Variants in H1-3 observed in about 807,000 individuals in gnomAD.
H1-3 encodes H1.3 linker histone, cluster member.
H1-3 carries 4 observed loss-of-function variants against 3.6 expected under a neutral mutation model. The ratio of observed to expected loss-of-function variants is 1.12; its 90% confidence interval spans 0.55 to 2.57. The LOEUF (loss-of-function observed/expected upper bound fraction) is 2.57. Among genes scored for constraint, H1-3 ranks in the 30% most tolerant of loss-of-function variants. H1-3 has a pLI of 0.02. For synonymous variants in H1-3, 266 were observed against 110.0 expected, an observed-to-expected ratio of 2.42 and a Z score of -8.87; for missense variants, 670 against 274.3, an observed-to-expected ratio of 2.44 and a Z score of -10.19.
At position 26,234,507 on chromosome 6, in the gene H1-3, C is replaced by A; in HGVS notation, c.427G>T (p.Ala143Ser). ...CTTTTCTTCGGGGTAGCGGCGCCAG[C>A]CACCTTCTTGGGCTTCTTGGCTGCC... ...AGAAKKPKKVAGAATPKKSIK... is the reference protein window; with the variant it reads ...AGAAKKPKKVSGAATPKKSIK... The change falls in exon 1 of 1, where the codon GCT becomes TCT. Residue 143 changes from alanine to serine, a missense_variant. Transcript: ENST00000244534. The A allele has an allele frequency of 1.2e-6, 2 of 1,613,920 alleles. No individual in the cohort carries two copies. The highest frequency in any genetic ancestry group is 1.7e-6 in the Non-Finnish European group (2 of 1,180,008).
rs747123489 is a variant in H1-3 at position 26,234,540 on chromosome 6, G to T, written c.394C>A (p.Pro132Thr). The change falls in exon 1 of 1, where the codon CCT becomes ACT. Residue 132 changes from proline (P) to threonine (T), a missense_variant. Transcript: ENST00000244534. ...KKAGAAKPRKPAGAAKKPKKV... is the reference protein window; with the variant it reads ...KKAGAAKPRKTAGAAKKPKKV... ...TTGGGCTTCTTGGCTGCCCCAGCAG[G>T]CTTCCTAGGCTTGGCTGCGCCAGCC... 7 of 1,612,340 alleles carry T rather than the reference G, an allele frequency of 4.3e-6. No individual in the cohort carries two copies. In the South Asian group the frequency reaches 6.6e-5, roughly 15 times the overall value.
chr6:26,234,490 C>CG lies in H1-3; in HGVS notation c.443dup (p.Lys149GlufsTer9). On this transcript the variant is annotated frameshift_variant, in exon 1 of 1. Coordinates refer to ENST00000244534, the MANE Select transcript of H1-3 (RefSeq NM_005320.3). LOFTEE classifies it low-confidence loss of function (END_TRUNC). ...TAGGAGTCTTTTTGATGCTTTTCTT[C>CG]GGGGTAGCGGCGCCAGCCACCTTCT... 6.2e-7 allele frequency: 1 copy of CG among 1,614,016 alleles called. No homozygotes were observed. Among genetic ancestry groups the CG allele is most frequent in the Non-Finnish European group, 8.5e-7 (1 of 1,180,030 alleles).
In H1-3 at chr6:26,234,465, T is replaced by C; in HGVS notation, c.469A>G (p.Lys157Glu). The change falls in exon 1 of 1, where the codon AAG (lysine) becomes GAG (glutamate). Residue 157 changes from lysine (K) to glutamate (E), a missense_variant. Transcript: ENST00000244534. ...TPKKSIKKTP[K>E]KVKKPATAAG... ...GCGGTTGCTGGCTTCTTTACCTTCT[T>C]AGGAGTCTTTTTGATGCTTTTCTTC... 1 of 1,614,104 alleles carries C rather than the reference T, an allele frequency of 6.2e-7. No individual in the cohort carries two copies. Among genetic ancestry groups the C allele is most frequent in the South Asian group, 1.1e-5 (1 of 91,086 alleles).
In H1-3 at chr6:26,234,701, T is replaced by C. The variant is rs75255708; in HGVS notation, c.233A>G (p.Asn78Ser). 7.4e-6 allele frequency: 12 copies of C among 1,613,178 alleles called. No homozygotes were observed. The highest frequency in any genetic ancestry group is 1.1e-5 in the South Asian group (1 of 91,028). ...AAAGYDVEKNNSRIKLGLKSL... is the reference protein window; with the variant it reads ...AAAGYDVEKNSSRIKLGLKSL... Reference sequence around the variant, plus strand: ...CTTGAGGCCAAGCTTGATACGGCTGTTGTTTTTTTCTACATCGTAGCCAGC... The same window carrying C: ...CTTGAGGCCAAGCTTGATACGGCTGCTGTTTTTTTCTACATCGTAGCCAGC... The change falls in exon 1 of 1, where the codon AAC becomes AGC. Residue 78 changes from asparagine (N) to serine (S), a missense_variant. By Grantham distance (46) the Asn-to-Ser change is conservative. Transcript: ENST00000244534.
chr6:26,234,408 T>C lies in H1-3; in HGVS notation c.526A>G (p.Lys176Glu), dbSNP rs764174893. The change falls in exon 1 of 1, where the codon AAA becomes GAA. Residue 176 changes from lysine to glutamate, a missense_variant. Transcript: ENST00000244534. ...AGTKKVAKSAKKVKTPQPKKA... is the reference protein window; with the variant it reads ...AGTKKVAKSAEKVKTPQPKKA... ...TTTGGCTGAGGTGTTTTCACCTTTT[T>C]CGCACTCTTGGCCACTTTCTTGGTC... 3.3e-5 allele frequency: 54 copies of C among 1,614,122 alleles called. No individual in the cohort carries two copies. Among genetic ancestry groups the C allele is most frequent in the Non-Finnish European group, 4.0e-5 (47 of 1,180,044 alleles).
rs760333620 is a variant in H1-3 at position 26,234,228 on chromosome 6, G to C, written c.*40C>G. On this transcript the variant is annotated 3_prime_UTR_variant, in exon 1 of 1. Coordinates refer to ENST00000244534, the MANE Select transcript of H1-3 (RefSeq NM_005320.3). Reference sequence around the variant, plus strand: ...TGAGACCTGTGGGTGGCTCTGAAAAGAGCCGTTTAAAATTTTCAAAGGGGA... The same window carrying C: ...TGAGACCTGTGGGTGGCTCTGAAAACAGCCGTTTAAAATTTTCAAAGGGGA... The C allele has an allele frequency of 7.1e-6, 11 of 1,556,452 alleles. No individual in the cohort carries two copies. The East Asian group carries it at 9.0e-5, about 13-fold the overall frequency.
rs985392066 is a variant in H1-3 at position 26,234,650 on chromosome 6, A to AC, written c.283dup (p.Val95GlyfsTer36). 12 of 1,614,042 alleles carry AC rather than the reference A, an allele frequency of 7.4e-6. No individual in the cohort carries two copies. In the African/African-American group the frequency reaches 1.5e-4, roughly 20 times the overall value. ...AGAAGCACCGGTACCTTTGGTCTGC[A>AC]CCAGAGTACCTTTGCTCACCAAGCT... On this transcript the variant is annotated frameshift_variant, in exon 1 of 1. Transcript: ENST00000244534. LOFTEE classifies it high-confidence loss of function.
rs1342250087 is a variant in H1-3 at position 26,234,374 on chromosome 6, G to A, written c.560C>T (p.Ala187Val). 8 of 1,614,088 alleles carry A rather than the reference G, an allele frequency of 5.0e-6. No homozygotes were observed. The East Asian group carries it at 6.7e-5, about 13-fold the overall frequency. Reference protein sequence around the residue: ...KVKTPQPKKAAKSPAKAKAPK... With the variant: ...KVKTPQPKKAVKSPAKAKAPK... ...GGCTTTGGCCTTAGCTGGACTCTTG[G>A]CAGCTTTTTTTGGCTGAGGTGTTTT... Residue 187 changes from alanine (A) to valine (V), a missense_variant, in exon 1 of 1, where the codon GCC becomes GTC. Coordinates refer to ENST00000244534, the MANE Select transcript of H1-3 (RefSeq NM_005320.3).
rs374182906 is a variant in H1-3 at position 26,234,967 on chromosome 6, C to T, written c.-34G>A. The T allele has an allele frequency of 3.7e-5, 57 of 1,557,094 alleles. No homozygotes were observed. The South Asian group carries it at 5.2e-4, about 14-fold the overall frequency. ...CTTCCCAGAAAAGACAATAAGTAATCTCAAACTGTCAGAACAGCATGTCCT... is the reference window on the plus strand; with the variant it reads ...CTTCCCAGAAAAGACAATAAGTAATTTCAAACTGTCAGAACAGCATGTCCT... On this transcript the variant is annotated 5_prime_UTR_variant, in exon 1 of 1. Transcript: ENST00000244534.
rs1759717784 is a variant in H1-3, at chr6:26,234,214, G to A, written c.*54C>T. On this transcript the variant is annotated 3_prime_UTR_variant, in exon 1 of 1. Transcript: ENST00000244534. ...TCAGCTCTTTTGACTGAGACCTGTG[G>A]GTGGCTCTGAAAAGAGCCGTTTAAA... The A allele has an allele frequency of 7.3e-6, 11 of 1,508,838 alleles. No homozygotes were observed. The highest frequency in any genetic ancestry group is 6.5e-5 in the South Asian group (5 of 77,034). The allele number at this position is 1,508,838 out of a possible 1,614,324, so 93.5% of individuals were successfully genotyped here.
chr6:26,234,328 CT>C lies in H1-3; in HGVS notation c.605del (p.Lys202SerfsTer?). On this transcript the variant is annotated frameshift_variant, in exon 1 of 1. Coordinates refer to ENST00000244534, the MANE Select transcript of H1-3 (RefSeq NM_005320.3). LOFTEE classifies it high-confidence loss of function. ...TAACCTTCGGCTTCCCCGACTTAGG[CT>C]TGGCCGCCTTGGGCTTAGGGGCTTT... ...KAKAPKPKAA[K>X]PKSGKPKVTK... The C allele has an allele frequency of 6.2e-7, 1 of 1,613,748 alleles. No individual in the cohort carries two copies. The highest frequency in any genetic ancestry group is 8.5e-7 in the Non-Finnish European group (1 of 1,179,918).
Position 26,234,354 on chromosome 6 carries a change from T to G in H1-3, c.580A>C (p.Lys194Gln). ...TTGGCCGCCTTGGGCTTAGGGGCTT[T>G]GGCCTTAGCTGGACTCTTGGCAGCT... ...KKAAKSPAKA[K>Q]APKPKAAKPK... Residue 194 changes from lysine (K) to glutamine (Q), a missense_variant, in exon 1 of 1, where the codon AAA becomes CAA. By Grantham distance (53) the Lys-to-Gln change is moderately conservative. Coordinates refer to ENST00000244534, the MANE Select transcript of H1-3 (RefSeq NM_005320.3). 1.2e-6 allele frequency: 2 copies of G among 1,614,262 alleles called. No homozygotes were observed.
In H1-3 at chr6:26,234,257, TC is replaced by T; in HGVS notation, c.*10del. ...CGTTTAAAATTTTCAAAGGGGAACG[TC>T]CCGCCAGTTTCACTTTTTCTTCGGA... is the stretch of plus-strand genomic sequence containing the variant. On this transcript the variant is annotated 3_prime_UTR_variant, in exon 1 of 1. Coordinates refer to ENST00000244534, the MANE Select transcript of H1-3 (RefSeq NM_005320.3). The T allele has an allele frequency of 1.3e-6, 2 of 1,584,706 alleles. No homozygotes were observed. The highest frequency in any genetic ancestry group is 1.7e-6 in the Non-Finnish European group (2 of 1,170,900).
In H1-3 at chr6:26,234,935, T is replaced by A; in HGVS notation, c.-2A>T. On this transcript the variant is annotated 5_prime_UTR_variant, in exon 1 of 1. Transcript: ENST00000244534. Reference sequence around the variant, plus strand: ...AGCAAGTGGAGCAGTCTCCGACATGTTTTTGTCTTCCCAGAAAAGACAATA... The same window carrying A: ...AGCAAGTGGAGCAGTCTCCGACATGATTTTGTCTTCCCAGAAAAGACAATA... 1 of 1,593,182 alleles carries A rather than the reference T, an allele frequency of 6.3e-7. No homozygotes were observed. Among genetic ancestry groups the A allele is most frequent in the Non-Finnish European group, 8.5e-7 (1 of 1,172,504 alleles).
At position 26,234,964 on chromosome 6, in the gene H1-3, A is replaced by C; in HGVS notation, c.-31T>G. On this transcript the variant is annotated 5_prime_UTR_variant, in exon 1 of 1. The change creates a new upstream start codon in the 5' untranslated region. Transcript: ENST00000244534. The stretch of plus-strand genomic sequence containing the variant: ...TGTCTTCCCAGAAAAGACAATAAGT[A>C]ATCTCAAACTGTCAGAACAGCATGT... The C allele has an allele frequency of 6.4e-7, 1 of 1,563,478 alleles. No homozygotes were observed. The highest frequency in any genetic ancestry group is 8.6e-7 in the Non-Finnish European group (1 of 1,156,658).
Position 26,234,360 on chromosome 6 carries a change from T to G in H1-3, c.574A>C (p.Lys192Gln), listed in dbSNP as rs144214198. ...GCCTTGGGCTTAGGGGCTTTGGCCT[T>G]AGCTGGACTCTTGGCAGCTTTTTTT... The part of the protein sequence containing the change: ...QPKKAAKSPA[K>Q]AKAPKPKAAK... Residue 192 changes from lysine to glutamine, a missense_variant, in exon 1 of 1, where the codon AAG (lysine) becomes CAG (glutamine). Lys to Gln is a moderately conservative substitution (Grantham distance 53). Transcript: ENST00000244534. The G allele has an allele frequency of 4.3e-6, 7 of 1,614,134 alleles. No individual in the cohort carries two copies. In the African/African-American group the frequency reaches 9.3e-5, roughly 22 times the overall value.
chr6:26,234,665 C>G lies in H1-3; in HGVS notation c.269G>C (p.Ser90Thr), dbSNP rs1270956258. Residue 90 changes from serine (S) to threonine (T), a missense_variant, in exon 1 of 1, where the codon AGC (serine) becomes ACC (threonine). By Grantham distance (58) the Ser-to-Thr change is moderately conservative (BLOSUM62 1). Transcript: ENST00000244534. ...TTTGGTCTGCACCAGAGTACCTTTG[C>G]TCACCAAGCTCTTGAGGCCAAGCTT... ...RIKLGLKSLV[S>T]KGTLVQTKGT... The G allele has an allele frequency of 6.2e-7, 1 of 1,614,064 alleles. No individual in the cohort carries two copies. Among genetic ancestry groups the G allele is most frequent in the African/African-American group, 1.3e-5 (1 of 74,940 alleles).
In H1-3 at chr6:26,234,782, G is replaced by T. The variant is rs768557134; in HGVS notation, c.152C>A (p.Ala51Asp). Residue 51 changes from alanine to aspartate, a missense_variant, in exon 1 of 1, where the codon GCT becomes GAT. Ala to Asp is a moderately radical substitution (Grantham distance 126). Coordinates refer to ENST00000244534, the MANE Select transcript of H1-3 (RefSeq NM_005320.3). ...AGAAACGCCGCTGCGCTCCTTAGAA[G>T]CTGCCACTGCCTTGGTGATAAGCTC... ...VSELITKAVA[A>D]SKERSGVSLA... The T allele has an allele frequency of 6.2e-7, 1 of 1,614,150 alleles. No homozygotes were observed. Among genetic ancestry groups the T allele is most frequent in the Admixed American group, 1.7e-5 (1 of 60,014 alleles).
In H1-3 at chr6:26,234,899, G is replaced by A. The variant is rs374651708; in HGVS notation, c.35C>T (p.Pro12Leu). 28 of 1,612,092 alleles carry A rather than the reference G, an allele frequency of 1.7e-5. No individual in the cohort carries two copies. The South Asian group carries it at 2.1e-4, about 12-fold the overall frequency. ...CACAGGTGTTTTTTCTGCGGGTGCA[G>A]GAATGGTAGGAGCAAGTGGAGCAGT... is the stretch of plus-strand genomic sequence containing the variant. ...SETAPLAPTIPAPAEKTPVKK... is the reference protein window; with the variant it reads ...SETAPLAPTILAPAEKTPVKK... Residue 12 changes from proline to leucine, a missense_variant, in exon 1 of 1, where the codon CCT becomes CTT. Coordinates refer to ENST00000244534, the MANE Select transcript of H1-3 (RefSeq NM_005320.3).
Sources: allele counts gnomAD v4.1 joint callset, GRCh38; gene constraint gnomAD v4.1.1; transcripts MANE v1.5; gene names NCBI Gene and HGNC (gene_info 2026-07-23, HGNC 2026-07-21).